BCR: variants seen among roughly 807,000 people sequenced by gnomAD.
The protein encoded by BCR is BCR activator of RhoGEF and GTPase.
In BCR, 58 loss-of-function variants were observed where a neutral mutation model predicts 138.6. The observed-to-expected ratio is 0.42, with a 90% CI of 0.34 to 0.52. The LOEUF is 0.52. Ranked by LOEUF, BCR falls within the 20% of genes least tolerant of loss-of-function variation. BCR has a pLI of 0.06. For missense variants in BCR, 1,599 were observed against 1,727.2 expected (o/e 0.93, Z 1.32); for synonymous variants, 786 against 730.1 (o/e 1.08, Z -1.23).
chr22:23,308,694 G>A lies in BCR; in HGVS notation c.3013-730G>A, dbSNP rs140496711. ...TACCCAGGAACCGCTGACATAGAACGTGCTCCCCATAAAACGGGAGACAGA... is the reference window on the plus strand; with the variant it reads ...TACCCAGGAACCGCTGACATAGAACATGCTCCCCATAAAACGGGAGACAGA... On this transcript the variant is annotated intron_variant, in intron 16 of 22. Transcript: ENST00000305877. Among the ~76,000 whole-genome samples, 1,207 of 152,282 alleles carry A rather than the reference G, an allele frequency of 7.9e-3. 10 individuals are homozygous for A. Among genetic ancestry groups the A allele is most frequent in the African/African-American group, 0.027 (1,142 of 41,544 alleles).
Position 23,271,573 on chromosome 22 carries a change from G to A in BCR, c.1902G>A (p.Thr634=), listed in dbSNP as rs1219269921. The change falls in exon 6 of 23, where the codon ACG becomes ACA. Residue 634 remains threonine, a synonymous_variant. Transcript: ENST00000305877. ...ARSNKDAKDP[T]TKNSLETLLY... is the part of the protein sequence containing the mutation. Reference sequence around the variant, plus strand: ...GCAACAAAGATGCCAAGGATCCAACGACCAAGAACTCTCTGGAAAGTGAGT... The same window carrying A: ...GCAACAAAGATGCCAAGGATCCAACAACCAAGAACTCTCTGGAAAGTGAGT... The A allele has an allele frequency of 4.3e-6, 7 of 1,613,880 alleles. No homozygotes were observed. Among genetic ancestry groups the A allele is most frequent in the South Asian group, 3.3e-5 (3 of 91,056 alleles).
rs374799029 is a variant in BCR at position 23,314,536 on chromosome 22, C to G, written c.3564-16C>G. The G allele has an allele frequency of 9.9e-6, 16 of 1,611,890 alleles. No homozygotes were observed. The highest frequency in any genetic ancestry group is 1.4e-5 in the Non-Finnish European group (16 of 1,179,816). On this transcript the variant is annotated splice_polypyrimidine_tract_variant and intron_variant, in intron 21 of 22. Coordinates refer to ENST00000305877, the MANE Select transcript of BCR (RefSeq NM_004327.4). ...GGTGGCGTTGAAACAGCACCCGCTG[C>G]TTTGGTCCTCTACAGGGTGGCAGAG...
At chr22:23,302,759 C>G (rs1031440892) in intron 16 of BCR, 16 of 152,256 alleles carry the variant, frequency 1.1e-4, no homozygotes, top group African/African-American at 3.9e-4. Flanking sequence ...AACAAGCCCC[C>G]CAGCTGGGAG....
chr22:23,199,927 AC>A (rs2072531450), intron 1 of BCR, among the ~76,000 whole-genome samples: 1 of 152,024 alleles, frequency 6.6e-6, no homozygotes, highest in African/African-American at 2.4e-5. Flanking sequence ...TACTAAAAAT[AC>A]AAAAAAAAAA....
intron 1 of BCR, among the ~76,000 whole-genome samples, chr22:23,207,093 C>T (rs990122673): frequency 2.0e-5 from 3 of 152,112 alleles, no homozygotes; most frequent in Non-Finnish European, 2.9e-5. Flanking sequence ...CCTATTCATC[C>T]ATCCATTCAT....
intron 1 of BCR, among the ~76,000 whole-genome samples, chr22:23,237,746 C>T (rs373914563): frequency 6.6e-6 from 1 of 152,168 alleles, no homozygotes; most frequent in Non-Finnish European, 1.5e-5. Context: ...CCTGGCTGGC[C>T]TTTGTAGTGG....
intron 1 of BCR, among the ~76,000 whole-genome samples, chr22:23,189,380 C>T (rs2072386403): frequency 6.6e-6 from 1 of 152,152 alleles, no homozygotes; most frequent in African/African-American, 2.4e-5. Flanking sequence ...CATGATTTTG[C>T]CTCTCCTAGA....
At position 23,234,098 on chromosome 22, in the gene BCR, T is replaced by C. The variant is rs191446469; in HGVS notation, c.1280-19701T>C. Among the ~76,000 whole-genome samples the C allele has an allele frequency of 4.4e-3, 664 of 152,244 alleles. 6 individuals are homozygous for C. The highest frequency in any genetic ancestry group is 0.015 in the African/African-American group (633 of 41,540). ...GCATGAGCATTTTCTTCTGGCATTT[T>C]TACAGAGACCATGTGCAGCTGGACT... On this transcript the variant is annotated intron_variant, in intron 1 of 22. Coordinates refer to ENST00000305877, the MANE Select transcript of BCR (RefSeq NM_004327.4).
intron 1 of BCR, chr22:23,199,203 T>G (rs757647063): frequency 1.9e-5 from 9 of 480,178 alleles, no homozygotes; most frequent in South Asian, 1.4e-4. Context: ...CTCATGGCAT[T>G]TCTTTAGTGG....
chr22:23,277,074 G>A (rs1172711735), intron 8 of BCR, among the ~76,000 whole-genome samples: 1 of 152,266 alleles, frequency 6.6e-6, no homozygotes. Flanking sequence ...AGGAAAGGGG[G>A]GCAGAAGCTC....
chr22:23,261,358 A>G lies in BCR; in HGVS notation c.1570A>G (p.Met524Val), dbSNP rs747470119. ...LSHLEALLLP[M>V]KPLKAAATTS... ...CCTCACTTGTGCCCTCTTCCAGCCCATGAAGCCTTTGAAAGCCGCTGCCAC... is the reference window on the plus strand; with the variant it reads ...CCTCACTTGTGCCCTCTTCCAGCCCGTGAAGCCTTTGAAAGCCGCTGCCAC... The change falls in exon 4 of 23, where the codon ATG (methionine) becomes GTG (valine). Residue 524 changes from methionine to valine, a missense_variant. By Grantham distance (21) the Met-to-Val change is conservative (BLOSUM62 1). Coordinates refer to ENST00000305877, the MANE Select transcript of BCR (RefSeq NM_004327.4). 9.5e-5 allele frequency: 153 copies of G among 1,611,952 alleles called. No homozygotes were observed. Among genetic ancestry groups the G allele is most frequent in the Non-Finnish European group, 1.2e-4 (147 of 1,179,086 alleles).
At chr22:23,290,841 C>G in intron 14 of BCR, 1 of 218,498 alleles carries the variant, frequency 4.6e-6, no homozygotes, top group Admixed American at 5.1e-5. Context: ...TCCTTTCCCT[C>G]TAAGTGGGGG....
At position 23,218,435 on chromosome 22, in the gene BCR, G is replaced by T; in HGVS notation, c.1280-35364G>T. Among the ~76,000 whole-genome samples, 2 of 152,220 alleles carry T rather than the reference G, an allele frequency of 1.3e-5. 1 individual carries two copies. Among genetic ancestry groups the T allele is most frequent in the Non-Finnish European group, 2.9e-5 (2 of 68,036 alleles). The stretch of plus-strand genomic sequence containing the variant: ...CCATTATGTAAGGCAGGTAAAGCTG[G>T]TGGAAGCTCTCCCACCCACTAGTTG... On this transcript the variant is annotated intron_variant, in intron 1 of 22. Transcript: ENST00000305877.
intron 1 of BCR, among the ~76,000 whole-genome samples, chr22:23,205,083 A>G (rs570339615): frequency 1.3e-5 from 2 of 152,336 alleles, no homozygotes; most frequent in African/African-American, 4.8e-5. Flanking sequence ...ACAGCCTCCC[A>G]GCCTTTTGCA....
At position 23,215,346 on chromosome 22, in the gene BCR, C is replaced by G. The variant is rs116358227; in HGVS notation, c.1279+33107C>G. On this transcript the variant is annotated intron_variant, in intron 1 of 22. Coordinates refer to ENST00000305877, the MANE Select transcript of BCR (RefSeq NM_004327.4). ...AAACAGGTCTGTCTTGCACATGTGC[C>G]CCAGGTACCACTCAGCCATCTGCTC... Among the ~76,000 whole-genome samples the G allele has an allele frequency of 3.8e-3, 573 of 152,242 alleles. 4 individuals carry two copies. Among genetic ancestry groups the G allele is most frequent in the African/African-American group, 0.013 (541 of 41,532 alleles).
chr22:23,184,103 T>G (rs78635061), intron 1 of BCR, among the ~76,000 whole-genome samples: 1 of 152,208 alleles, frequency 6.6e-6, no homozygotes, highest in African/African-American at 2.4e-5. Flanking sequence ...TTTTTTGTTT[T>G]TAAGAGACAG....
chr22:23,206,656 G>A lies in BCR; in HGVS notation c.1279+24417G>A, dbSNP rs114894073. Among the ~76,000 whole-genome samples, 334 of 152,088 alleles carry A rather than the reference G, an allele frequency of 2.2e-3. 2 individuals are homozygous for A. The highest frequency in any genetic ancestry group is 7.6e-3 in the African/African-American group (317 of 41,444). ...AAACCCTTCCACATTGAGAGAACAG[G>A]GTGTTAAAACTCAGAAACCTTTTCA... is the stretch of plus-strand genomic sequence containing the variant. On this transcript the variant is annotated intron_variant, in intron 1 of 22. Transcript: ENST00000305877.
At position 23,291,963 on chromosome 22, in the gene BCR, A is replaced by T. The variant is rs2073791866; in HGVS notation, c.2783-578A>T. On this transcript the variant is annotated intron_variant, in intron 14 of 22. Transcript: ENST00000305877. The stretch of plus-strand genomic sequence containing the variant: ...CTCAGGTAGTTTTTCTAAAATGCAA[A>T]CCCCACCCTGCAACTTACCGCCCAC... Among the ~76,000 whole-genome samples the T allele has an allele frequency of 4.0e-5, 6 of 151,690 alleles. No homozygotes were observed. In the South Asian group the frequency reaches 1.3e-3, roughly 32 times the overall value.
At chr22:23,277,794 C>T (rs545331840) in intron 8 of BCR, among the ~76,000 whole-genome samples, 1 of 152,210 alleles carries the variant, frequency 6.6e-6, no homozygotes, top group Non-Finnish European at 1.5e-5. Context: ...TTTTCAGCCA[C>T]ATCCCATGGC....
Sources: allele counts gnomAD v4.1 joint callset (sites outside exome capture counted in the v4.1 genomes callset), GRCh38; gene constraint gnomAD v4.1.1; transcripts MANE v1.5; gene names NCBI Gene and HGNC (gene_info 2026-07-23, HGNC 2026-07-21).